MICAL2: variants seen among roughly 807,000 people sequenced by gnomAD.
MICAL2 encodes microtubule associated monooxygenase, calponin and LIM domain containing 2, also known as [F-actin]-monooxygenase MICAL2.
Under a neutral mutation model 127.3 loss-of-function variants are expected in MICAL2, and 77 were observed. That is an observed-to-expected ratio of 0.60 (90% CI 0.50 to 0.73). The LOEUF (loss-of-function observed/expected upper bound fraction) is 0.73, where lower values mean the gene tolerates loss of function less well. Ranked by LOEUF, MICAL2 falls within the 30% of genes least tolerant of loss-of-function variation. The pLI is 0.00. For missense variants in MICAL2, 1,351 were observed against 1,434.4 expected (o/e 0.94, Z 0.94); for synonymous variants, 570 against 551.1 (o/e 1.03, Z -0.48).
At chr11:12,125,839 T>C (rs1188518631) in intron 1 of MICAL2, among the ~76,000 whole-genome samples, 1 of 150,628 alleles carries the variant, frequency 6.6e-6, no homozygotes, top group Non-Finnish European at 1.5e-5. Context: ...TCTTTTGACT[T>C]TGGAATCCGG....
chr11:12,199,241 A>G (rs75706811), intron 3 of MICAL2, among the ~76,000 whole-genome samples: 14,944 of 152,184 alleles, frequency 0.098, 876 homozygotes, highest in Admixed American at 0.16. Flanking sequence ...TAACACTTTC[A>G]TAGGGTAGTT....
chr11:12,120,948 G>A (rs34679465), intron 1 of MICAL2, among the ~76,000 whole-genome samples: 27,596 of 152,182 alleles, frequency 0.18, 3,175 homozygotes, highest in African/African-American at 0.32. Context: ...GGGGAACAGG[G>A]TGGGGGGCAG....
At chr11:12,198,085 C>G (rs373887916) in intron 3 of MICAL2, among the ~76,000 whole-genome samples, 3 of 152,072 alleles carry the variant, frequency 2.0e-5, no homozygotes, top group Non-Finnish European at 4.4e-5. Flanking sequence ...CCCTGGGGAG[C>G]CCCTACTGGC....
At chr11:12,236,115 C>T in intron 15 of MICAL2, 62 bp from the exon 16 acceptor site, 2 of 1,433,962 alleles carry the variant, frequency 1.4e-6, no homozygotes, top group Non-Finnish European at 9.8e-7. Context: ...CCTCAGGGAT[C>T]TTAGTGGGAC....
intron 32 of MICAL2, among the ~76,000 whole-genome samples, chr11:12,349,464 T>G (rs1172477737): frequency 6.6e-6 from 1 of 151,460 alleles, no homozygotes; most frequent in Non-Finnish European, 1.5e-5. Context: ...AAGAAGGAAA[T>G]GATGAGCAGC....
chr11:12,294,725 C>A (rs778255579), downstream of MICAL2: 1 of 1,613,818 alleles, frequency 6.2e-7, no homozygotes, highest in South Asian at 1.1e-5. Context: ...GAGGAAGGTG[C>A]TGCCTGAAGA....
intron 15 of MICAL2, among the ~76,000 whole-genome samples, chr11:12,234,614 G>C (rs958444795): frequency 1.3e-5 from 2 of 152,208 alleles, no homozygotes; most frequent in African/African-American, 4.8e-5. Context: ...TGTGCTGCCT[G>C]GGGCAAATTT....
At chr11:12,344,330 G>C (rs1450306614) in intron 32 of MICAL2, among the ~76,000 whole-genome samples, 1 of 151,670 alleles carries the variant, frequency 6.6e-6, no homozygotes, top group Non-Finnish European at 1.5e-5. Flanking sequence ...CAAAAGAAAA[G>C]AAATAGCTTA....
At chr11:12,288,320 T>C (rs1863852893), downstream of MICAL2, among the ~76,000 whole-genome samples, 1 of 152,178 alleles carries the variant, frequency 6.6e-6, no homozygotes, top group South Asian at 2.1e-4. Flanking sequence ...GCCCGGACTA[T>C]ATGAGTGTAG....
Position 12,256,964 on chromosome 11 carries a change from C to A in MICAL2, c.3135C>A (p.Cys1045Ter). Residue 1045 changes from cysteine (C) to a stop codon, truncating the protein, a stop_gained, in exon 24 of 28, where the codon TGC (cysteine) becomes TGA (stop). Transcript: ENST00000683283. LOFTEE classifies it high-confidence loss of function. ...GCCTGGCCGCCTACACCTTTGACTGCGATGAAGGTAACCCCAGGGGCCAGG... is the reference window on the plus strand; with the variant it reads ...GCCTGGCCGCCTACACCTTTGACTGAGATGAAGGTAACCCCAGGGGCCAGG... ...TLRLAAYTFDCDEGKFYCKPH... is the reference protein window; with the variant it reads ...TLRLAAYTFD 6.2e-7 allele frequency: 1 copy of A among 1,612,056 alleles called. No individual in the cohort carries two copies. Among genetic ancestry groups the A allele is most frequent in the South Asian group, 1.1e-5 (1 of 90,804 alleles).
intron 15 of MICAL2, among the ~76,000 whole-genome samples, chr11:12,232,935 C>T (rs977627108): frequency 5.3e-5 from 8 of 150,032 alleles, no homozygotes; most frequent in Non-Finnish European, 1.2e-4. Context: ...GATGAAATCT[C>T]ACAGCATCCC....
intron 18 of MICAL2, among the ~76,000 whole-genome samples, chr11:12,241,858 G>A (rs1860009339): frequency 6.6e-6 from 1 of 152,090 alleles, no homozygotes; most frequent in Admixed American, 6.5e-5. Context: ...AACTACCAAT[G>A]TCTCATGCCC....
At chr11:12,167,036 G>T (rs1481227031) in intron 3 of MICAL2, among the ~76,000 whole-genome samples, 4 of 152,040 alleles carry the variant, frequency 2.6e-5, no homozygotes, top group Non-Finnish European at 5.9e-5. Flanking sequence ...CCTGGTCCAG[G>T]CTGTGAACAG....
chr11:12,188,569 T>C (rs1858635630), intron 3 of MICAL2, among the ~76,000 whole-genome samples: 1 of 152,184 alleles, frequency 6.6e-6, no homozygotes, highest in African/African-American at 2.4e-5. Context: ...AGTGCTGAGG[T>C]TGAGAAACCC....
At position 12,344,437 on chromosome 11, in the gene MICAL2, A is replaced by G. The variant is rs371177943; in HGVS notation, c.5516-5401A>G. ...TTTTCCGTTTTTCATATGGAAAAGA[A>G]GCATGAATTATGATCCTTGTCAAAA... On this transcript the variant is annotated intron_variant, in intron 32 of 34. Coordinates refer to the MICAL2 transcript ENST00000646065. 2.3e-4 allele frequency among the ~76,000 whole-genome samples: 34 copies of G among 150,836 alleles called. No individual in the cohort carries two copies. In the East Asian group the frequency reaches 6.2e-3, roughly 27 times the overall value.
At chr11:12,119,979 G>A (rs1451580015) in intron 1 of MICAL2, among the ~76,000 whole-genome samples, 1 of 152,208 alleles carries the variant, frequency 6.6e-6, no homozygotes, top group Admixed American at 6.5e-5. Flanking sequence ...CCAGGCTGTG[G>A]TCCTTGATCA....
chr11:12,162,936 G>A (rs765484949), intron 3 of MICAL2, among the ~76,000 whole-genome samples: 10 of 152,244 alleles, frequency 6.6e-5, no homozygotes, highest in Middle Eastern at 3.4e-3. Flanking sequence ...AGTTGTGTTC[G>A]CCTGGGTGTG....
chr11:12,203,227 G>C (rs73416268), intron 3 of MICAL2, among the ~76,000 whole-genome samples: 2 of 152,084 alleles, frequency 1.3e-5, no homozygotes, highest in African/African-American at 2.4e-5. Context: ...GAACATTCAC[G>C]TACAGGATTT....
rs200219704 is a variant in MICAL2, at chr11:12,256,965, G to A, written c.3136G>A (p.Asp1046Asn). The change falls in exon 24 of 28, where the codon GAT becomes AAT. Residue 1046 changes from aspartate (D) to asparagine (N), a missense_variant. Asp to Asn is a conservative substitution (Grantham distance 23, BLOSUM62 1). This residue lies in a region of MICAL2 where 752 missense variants were observed against 719.4 expected (regional missense o/e 1.05). Coordinates refer to ENST00000683283, the MANE Select transcript of MICAL2 (RefSeq NM_001282663.2). ...LRLAAYTFDC[D>N]EGKFYCKPHF... is the part of the protein sequence containing the mutation. ...CCTGGCCGCCTACACCTTTGACTGC[G>A]ATGAAGGTAACCCCAGGGGCCAGGG... The A allele has an allele frequency of 1.6e-5, 26 of 1,612,434 alleles. No individual in the cohort carries two copies. Among genetic ancestry groups the A allele is most frequent in the East Asian group, 8.9e-5 (4 of 44,858 alleles).
Sources: gnomAD v4.1 joint callset for allele counts (sites outside exome capture counted in the v4.1 genomes callset) on GRCh38, gnomAD v4.1.1 for gene constraint, gnomAD v4.1.1 regional missense constraint, MANE v1.5 for transcripts, NCBI Gene and HGNC (gene_info 2026-07-23, HGNC 2026-07-21) for gene names.